GABBR1: variants seen among roughly 807,000 people sequenced by gnomAD.
GABBR1 encodes gamma-aminobutyric acid type B receptor subunit 1.
In GABBR1, 35 loss-of-function variants were observed where a neutral mutation model predicts 117.7. The observed-to-expected ratio is 0.30, with a 90% confidence interval of 0.23 to 0.39. The LOEUF (loss-of-function observed/expected upper bound fraction) is 0.39. Ranked by LOEUF, GABBR1 falls within the 10% of genes least tolerant of loss-of-function variation. GABBR1 has a pLI of 1.00. For missense variants in GABBR1, 709 were observed against 1,241.8 expected, an observed-to-expected ratio of 0.57 and a Z score of 6.45; for synonymous variants, 442 against 486.6, an observed-to-expected ratio of 0.91 and a Z score of 1.21.
At position 29,604,824 on chromosome 6, in the gene GABBR1, G is replaced by A. The variant is rs1053794019; in HGVS notation, c.2568+36C>T. Reference sequence around the variant, plus strand: ...AGGAAGGAGGGATGGAGGGAACATGGGAACAAAGAGGGTGGGAGAAAAGCC... The same window carrying A: ...AGGAAGGAGGGATGGAGGGAACATGAGAACAAAGAGGGTGGGAGAAAAGCC... On this transcript the variant is annotated intron_variant, in intron 21 of 22. Coordinates refer to ENST00000377034, the MANE Select transcript of GABBR1 (RefSeq NM_001470.4). The surrounding 1 kb of genome is among the most constrained non-coding windows in gnomAD (Gnocchi z 5.3). 1 of 1,603,912 alleles carries A rather than the reference G, an allele frequency of 6.2e-7. No homozygotes were observed. The highest frequency in any genetic ancestry group is 1.3e-5 in the African/African-American group (1 of 74,710).
At position 29,611,073 on chromosome 6, in the gene GABBR1, A is replaced by G; in HGVS notation, c.1631-72T>C. On this transcript the variant is annotated intron_variant, in intron 13 of 22. Coordinates refer to ENST00000377034, the MANE Select transcript of GABBR1 (RefSeq NM_001470.4). This position sits in a 1 kb window ranked among gnomAD's most constrained non-coding sequence, Gnocchi z 4.6. ...TGATCCTAGGCATTTTCAACTTCCC[A>G]CTTCCCTAGAGCTTTGCATGGTTGT... 8.5e-7 allele frequency: 1 copy of G among 1,181,288 alleles called. No homozygotes were observed. Among genetic ancestry groups the G allele is most frequent in the Non-Finnish European group, 1.3e-6 (1 of 789,340 alleles). 73.2% of individuals were successfully genotyped at this position (1,181,288 alleles called of 1,614,324 possible).
Position 29,610,960 on chromosome 6 carries a change from C to T in GABBR1, c.1672G>A (p.Asp558Asn). 1 of 1,613,060 alleles carries T rather than the reference C, an allele frequency of 6.2e-7. No individual in the cohort carries two copies. The highest frequency in any genetic ancestry group is 8.5e-7 in the Non-Finnish European group (1 of 1,180,000). The change falls in exon 14 of 23, where the codon GAT becomes AAT. Residue 558 changes from aspartate (D) to asparagine (N), a missense_variant. By Grantham distance (23) the Asp-to-Asn change is conservative (BLOSUM62 1). Transcript: ENST00000377034. The stretch of plus-strand genomic sequence containing the variant: ...TCTGTTTTGGACCAGGAAAGATCAT[C>T]CTTGGTGCTGTCATAGTAGCCAATC... ...KKIGYYDSTK[D>N]DLSWSKTDKW...
In GABBR1 at chr6:29,632,923, C is replaced by A. The variant is rs1354972998; in HGVS notation, c.-74G>T. The A allele has an allele frequency of 9.2e-6, 2 of 216,686 alleles. No individual in the cohort carries two copies. The highest frequency in any genetic ancestry group is 1.9e-5 in the Non-Finnish European group (2 of 103,650). The allele number at this position is 216,686 out of a possible 1,614,324, so 13.4% of individuals were successfully genotyped here. On this transcript the variant is annotated 5_prime_UTR_variant, in exon 1 of 23. Transcript: ENST00000377034. This position sits in a 1 kb window ranked among gnomAD's most constrained non-coding sequence, Gnocchi z 5.8. ...CAGGCCCGGCCGCTCCTCCCCGCTC[C>A]CCCCTCCCTTCTCCTCCACCTTTCT...
At chr6:29,625,134 C>G (rs1425371738) in intron 6 of GABBR1, among the ~76,000 whole-genome samples, 1 of 152,170 alleles carries the variant, frequency 6.6e-6, no homozygotes, top group African/African-American at 2.4e-5. Flanking sequence ...GAAGAACCAG[C>G]AGTCACTGAG....
Position 29,632,401 on chromosome 6 carries a change from C to G in GABBR1, c.1-16G>C, listed in dbSNP as rs1162980537. On this transcript the variant is annotated splice_polypyrimidine_tract_variant and intron_variant, in intron 1 of 22. Coordinates refer to ENST00000377034, the MANE Select transcript of GABBR1 (RefSeq NM_001470.4). The surrounding 1 kb of genome is among the most constrained non-coding windows in gnomAD (Gnocchi z 5.8). ...GCAGCAACATCTAAGTGAGAGGCGGCCATGAGGACTGGACCGAGCCCCGCC... is the reference window on the plus strand; with the variant it reads ...GCAGCAACATCTAAGTGAGAGGCGGGCATGAGGACTGGACCGAGCCCCGCC... The G allele has an allele frequency of 7.5e-7, 1 of 1,337,772 alleles. No individual in the cohort carries two copies. Among genetic ancestry groups the G allele is most frequent in the East Asian group, 3.1e-5 (1 of 32,008 alleles). 82.9% of individuals were successfully genotyped at this position (1,337,772 alleles called of 1,614,324 possible).
At position 29,611,124 on chromosome 6, in the gene GABBR1, C is replaced by A; in HGVS notation, c.1631-123G>T. On this transcript the variant is annotated intron_variant, in intron 13 of 22. Coordinates refer to ENST00000377034, the MANE Select transcript of GABBR1 (RefSeq NM_001470.4). This position sits in a 1 kb window ranked among gnomAD's most constrained non-coding sequence, Gnocchi z 4.6. ...ATCTGATTTTATTTTCACCTGAGGC[C>A]CTAAGGATGCTTGGAAGGACCTACG... The A allele has an allele frequency of 1.4e-6, 1 of 717,692 alleles. No homozygotes were observed. Among genetic ancestry groups the A allele is most frequent in the Non-Finnish European group, 2.4e-6 (1 of 424,074 alleles). The allele number at this position is 717,692 out of a possible 1,614,324, so 44.5% of individuals were successfully genotyped here. A position where few individuals can be genotyped will look rare whatever the true frequency, so the allele number is the denominator to read the frequency against.
At position 29,621,092 on chromosome 6, in the gene GABBR1, C is replaced by A. The variant is rs376711508; in HGVS notation, c.1323+9G>T. The A allele has an allele frequency of 8.7e-6, 14 of 1,609,728 alleles. No individual in the cohort carries two copies. The highest frequency in any genetic ancestry group is 4.5e-5 in the East Asian group (2 of 44,882). Reference sequence around the variant, plus strand: ...CCAGGTGCCAGACTGCAAGTCCCCACACTCTCACCATGTTGGAAATGCTGC... The same window carrying A: ...CCAGGTGCCAGACTGCAAGTCCCCAAACTCTCACCATGTTGGAAATGCTGC... On this transcript the variant is annotated intron_variant, in intron 11 of 22. Transcript: ENST00000377034. The surrounding 1 kb of genome is among the most constrained non-coding windows in gnomAD (Gnocchi z 5.0).
Position 29,632,943 on chromosome 6 carries a change from C to A in GABBR1, c.-94G>T. The A allele has an allele frequency of 5.0e-6, 1 of 201,392 alleles. No homozygotes were observed. The allele number at this position is 201,392 out of a possible 1,614,324, so 12.5% of individuals were successfully genotyped here. A position where few individuals can be genotyped will look rare whatever the true frequency, so the allele number is the denominator to read the frequency against. ...CGCTCCCCCCTCCCTTCTCCTCCAC[C>A]TTTCTCCTCCTCCCGTCCCTCCTCC... On this transcript the variant is annotated 5_prime_UTR_variant, in exon 1 of 23. The change creates a new upstream start codon in the 5' untranslated region. Coordinates refer to ENST00000377034, the MANE Select transcript of GABBR1 (RefSeq NM_001470.4). This position sits in a 1 kb window ranked among gnomAD's most constrained non-coding sequence, Gnocchi z 5.8.
chr6:29,624,991 G>A (rs1291438256), intron 6 of GABBR1, among the ~76,000 whole-genome samples: 1 of 151,996 alleles, frequency 6.6e-6, no homozygotes, highest in African/African-American at 2.4e-5. Flanking sequence ...GTGAAATGTT[G>A]CCAGGAGGGG....
intron 14 of GABBR1, among the ~76,000 whole-genome samples, chr6:29,610,451 T>A (rs868561939): frequency 3.3e-5 from 5 of 152,164 alleles, no homozygotes; most frequent in African/African-American, 1.2e-4. Flanking sequence ...GGAAAATTTT[T>A]AAAAATACAT....
Position 29,627,729 on chromosome 6 carries a change from C to T in GABBR1, c.497-83G>A, listed in dbSNP as rs2127444847. On this transcript the variant is annotated intron_variant, in intron 5 of 22. Coordinates refer to ENST00000377034, the MANE Select transcript of GABBR1 (RefSeq NM_001470.4). This position sits in a 1 kb window ranked among gnomAD's most constrained non-coding sequence, Gnocchi z 4.4. ...AGGCCCACACCGGAGCCACCCCTGC[C>T]GCCATCACAACCAGAAGCGGCAGTG... is the stretch of plus-strand genomic sequence containing the variant. 2.0e-6 allele frequency: 3 copies of T among 1,514,724 alleles called. No homozygotes were observed. The South Asian group carries it at 3.6e-5, about 18-fold the overall frequency. 93.8% of individuals were successfully genotyped at this position (1,514,724 alleles called of 1,614,324 possible).
intron 13 of GABBR1, among the ~76,000 whole-genome samples, chr6:29,612,214 T>A (rs41286287): frequency 0.069 from 10,393 of 150,406 alleles, 445 homozygotes; most frequent in South Asian, 0.15. Context: ...GGTTTCACCA[T>A]GTTGGTCTGG....
At position 29,604,813 on chromosome 6, in the gene GABBR1, G is replaced by C; in HGVS notation, c.2568+47C>G. The C allele has an allele frequency of 6.3e-7, 1 of 1,599,584 alleles. No individual in the cohort carries two copies. Among genetic ancestry groups the C allele is most frequent in the South Asian group, 1.1e-5 (1 of 88,196 alleles). ...CTCAGTAATATAGGAAGGAGGGATGGAGGGAACATGGGAACAAAGAGGGTG... is the reference window on the plus strand; with the variant it reads ...CTCAGTAATATAGGAAGGAGGGATGCAGGGAACATGGGAACAAAGAGGGTG... On this transcript the variant is annotated intron_variant, in intron 21 of 22. Transcript: ENST00000377034. This position sits in a 1 kb window ranked among gnomAD's most constrained non-coding sequence, Gnocchi z 5.3.
At position 29,632,740 on chromosome 6, in the gene GABBR1, T is replaced by C; in HGVS notation, c.-1+110A>G. On this transcript the variant is annotated intron_variant, in intron 1 of 22. Transcript: ENST00000377034. This position sits in a 1 kb window ranked among gnomAD's most constrained non-coding sequence, Gnocchi z 5.8. ...CCGATTCCATCCCCGCGGTTCCTCC[T>C]CTCCCCCAGCCCCGCTTCCCCCAGC... 1 of 1,191,816 alleles carries C rather than the reference T, an allele frequency of 8.4e-7. No individual in the cohort carries two copies. Among genetic ancestry groups the C allele is most frequent in the Non-Finnish European group, 1.1e-6 (1 of 944,998 alleles). 73.8% of individuals were successfully genotyped at this position (1,191,816 alleles called of 1,614,324 possible).
rs188578060 is a variant in GABBR1, at chr6:29,632,170, G to A, written c.85+131C>T. 2.9e-4 allele frequency: 157 copies of A among 545,894 alleles called. 2 individuals are homozygous for A. The highest frequency in any genetic ancestry group is 2.1e-3 in the South Asian group (55 of 26,084). The allele number at this position is 545,894 out of a possible 1,614,324, so 33.8% of individuals were successfully genotyped here. A position where few individuals can be genotyped will look rare whatever the true frequency, so the allele number is the denominator to read the frequency against. Reference sequence around the variant, plus strand: ...AGGTCAGCAGTAGTAAAGTCGGGCCGAGCAGAAGGGGTTGCCAGACCGGGA... The same window carrying A: ...AGGTCAGCAGTAGTAAAGTCGGGCCAAGCAGAAGGGGTTGCCAGACCGGGA... On this transcript the variant is annotated intron_variant, in intron 2 of 22. Coordinates refer to ENST00000377034, the MANE Select transcript of GABBR1 (RefSeq NM_001470.4). The surrounding 1 kb of genome is among the most constrained non-coding windows in gnomAD (Gnocchi z 5.8).
At position 29,605,782 on chromosome 6, in the gene GABBR1, C is replaced by T; in HGVS notation, c.2312-86G>A. On this transcript the variant is annotated intron_variant, in intron 19 of 22. Coordinates refer to ENST00000377034, the MANE Select transcript of GABBR1 (RefSeq NM_001470.4). The surrounding 1 kb of genome is among the most constrained non-coding windows in gnomAD (Gnocchi z 4.2). Reference sequence around the variant, plus strand: ...CCATCCCCTCTCTGCCCTTCACCTACTCTGAAATGGAAAGGGGGCCCTCCT... The same window carrying T: ...CCATCCCCTCTCTGCCCTTCACCTATTCTGAAATGGAAAGGGGGCCCTCCT... The T allele has an allele frequency of 6.6e-7, 1 of 1,511,932 alleles. No homozygotes were observed. Among genetic ancestry groups the T allele is most frequent in the Non-Finnish European group, 8.9e-7 (1 of 1,120,934 alleles). The allele number at this position is 1,511,932 out of a possible 1,614,324, so 93.7% of individuals were successfully genotyped here. A position where few individuals can be genotyped will look rare whatever the true frequency, so the allele number is the denominator to read the frequency against.
chr6:29,614,369 G>A (rs1182352769), intron 11 of GABBR1, among the ~76,000 whole-genome samples: 2 of 152,154 alleles, frequency 1.3e-5, no homozygotes, highest in South Asian at 2.1e-4. Context: ...TAATACACAG[G>A]GGACCATACA....
chr6:29,621,063 C>T lies in GABBR1; in HGVS notation c.1323+38G>A. The T allele has an allele frequency of 6.3e-7, 1 of 1,583,700 alleles. No individual in the cohort carries two copies. Among genetic ancestry groups the T allele is most frequent in the Non-Finnish European group, 8.6e-7 (1 of 1,162,514 alleles). On this transcript the variant is annotated intron_variant, in intron 11 of 22. Transcript: ENST00000377034. This position sits in a 1 kb window ranked among gnomAD's most constrained non-coding sequence, Gnocchi z 5.0. ...GCAAGGCCCCCTCAGTCCTCTCCAC[C>T]CTCCCAGGTGCCAGACTGCAAGTCC...
chr6:29,626,046 C>T (rs1764234314), intron 6 of GABBR1, among the ~76,000 whole-genome samples: 1 of 152,176 alleles, frequency 6.6e-6, no homozygotes, highest in Admixed American at 6.5e-5. Flanking sequence ...CAGATAAATA[C>T]TTGGGATTCA....
Sources: allele counts gnomAD v4.1 joint callset (sites outside exome capture counted in the v4.1 genomes callset), GRCh38; gene constraint gnomAD v4.1.1; non-coding constraint Gnocchi (gnomAD v3.1); transcripts MANE v1.5; gene names NCBI Gene and HGNC (gene_info 2026-07-23, HGNC 2026-07-21).